The following CCDC178 variants were observed in gnomAD, a reference collection of about 807,000 sequenced individuals.
The protein encoded by CCDC178 is coiled-coil domain containing 178, also known as coiled-coil domain-containing protein 178.
In CCDC178, 126 loss-of-function variants were observed where a neutral mutation model predicts 117.4. The observed-to-expected ratio is 1.07, with a 90% CI of 0.93 to 1.24. The LOEUF is 1.24. Among genes scored for constraint, CCDC178 ranks in the 50% most tolerant of loss-of-function variants. The probability of loss-of-function intolerance (pLI) is 0.00; values close to 1 mark genes in which losing one functional copy is unlikely to be tolerated. For missense variants in CCDC178, 1,030 were observed against 986.9 expected, an observed-to-expected ratio of 1.04 and a Z score of -0.59; for synonymous variants, 283 against 313.4, an observed-to-expected ratio of 0.90 and a Z score of 1.02.
At chr18:33,023,326 C>A (rs536014335) in intron 21 of CCDC178, among the ~76,000 whole-genome samples, 1 of 152,120 alleles carries the variant, frequency 6.6e-6, no homozygotes, top group African/African-American at 2.4e-5. Flanking sequence ...CAGACCATAT[C>A]TTGGACCATA....
intron 20 of CCDC178, among the ~76,000 whole-genome samples, chr18:33,131,664 A>T (rs1031800258): frequency 6.6e-6 from 1 of 151,704 alleles, no homozygotes; most frequent in African/African-American, 2.4e-5. Context: ...GCCCTGAATG[A>T]TTGTTTCAGA....
chr18:33,161,932 C>G (rs2058470072), intron 20 of CCDC178, among the ~76,000 whole-genome samples: 1 of 151,954 alleles, frequency 6.6e-6, no homozygotes, highest in Non-Finnish European at 1.5e-5. Context: ...GGGTATATAC[C>G]CAGTAATGGG....
At chr18:33,039,137 A>C (rs1320263262) in intron 21 of CCDC178, among the ~76,000 whole-genome samples, 1 of 152,060 alleles carries the variant, frequency 6.6e-6, no homozygotes, top group African/African-American at 2.4e-5. Context: ...AAACATCTAG[A>C]AATAAACCAT....
chr18:33,414,287 G>A (rs2063901613), intron 2 of CCDC178, among the ~76,000 whole-genome samples: 1 of 152,112 alleles, frequency 6.6e-6, no homozygotes, highest in African/African-American at 2.4e-5. Flanking sequence ...TAATGTAGCT[G>A]TGACTAGGCT....
chr18:32,975,399 G>A (rs999198188), intron 21 of CCDC178, among the ~76,000 whole-genome samples: 1 of 152,140 alleles, frequency 6.6e-6, no homozygotes, highest in African/African-American at 2.4e-5. Context: ...CCTATGACAT[G>A]TGCTAGATCA....
intron 12 of CCDC178, among the ~76,000 whole-genome samples, chr18:33,269,872 T>C (rs573748951): frequency 3.3e-5 from 5 of 151,856 alleles, no homozygotes; most frequent in East Asian, 3.9e-4. Context: ...GTATAGACTA[T>C]GCAGAATAAA....
At chr18:33,157,540 G>C (rs1454936895) in intron 20 of CCDC178, among the ~76,000 whole-genome samples, 1 of 151,996 alleles carries the variant, frequency 6.6e-6, no homozygotes, top group African/African-American at 2.4e-5. Flanking sequence ...TAAAACATCA[G>C]CACAATTTTT....
At chr18:33,069,479 A>G (rs2057073369) in intron 21 of CCDC178, among the ~76,000 whole-genome samples, 1 of 152,144 alleles carries the variant, frequency 6.6e-6, no homozygotes, top group Admixed American at 6.6e-5. Context: ...CTATAGGCAG[A>G]AGAATTAAAC....
intron 9 of CCDC178, among the ~76,000 whole-genome samples, chr18:33,339,112 A>G (rs1197787893): frequency 6.6e-6 from 1 of 152,124 alleles, no homozygotes; most frequent in Non-Finnish European, 1.5e-5. Flanking sequence ...CTGAGAAGAA[A>G]ATTTACAGCT....
chr18:33,013,930 C>T (rs1204399736), intron 21 of CCDC178, among the ~76,000 whole-genome samples: 2 of 152,106 alleles, frequency 1.3e-5, no homozygotes, highest in African/African-American at 4.8e-5. Flanking sequence ...TAAGGAGCTC[C>T]GAAAATATGC....
intron 20 of CCDC178, among the ~76,000 whole-genome samples, chr18:33,166,301 T>C (rs879789512): frequency 9.2e-5 from 14 of 152,200 alleles, no homozygotes; most frequent in Admixed American, 2.6e-4. Flanking sequence ...AAAAATTCAG[T>C]ATTTTCTGAA....
intron 21 of CCDC178, among the ~76,000 whole-genome samples, chr18:33,044,065 G>A (rs1267255192): frequency 2.0e-5 from 3 of 149,432 alleles, no homozygotes; most frequent in African/African-American, 7.3e-5. Flanking sequence ...GTGTGTGTGT[G>A]TGTATGTGTG....
intron 20 of CCDC178, among the ~76,000 whole-genome samples, chr18:33,194,900 C>CAAAAAAA (rs530764182): frequency 0.025 from 1,403 of 56,070 alleles, 47 homozygotes; most frequent in African/African-American, 0.028. Flanking sequence ...TCTGTTTCTA[C>CAAAAAAA]AAAAAAAAAA....
intron 10 of CCDC178, among the ~76,000 whole-genome samples, chr18:33,327,314 C>T (rs2062597826): frequency 6.6e-6 from 1 of 152,022 alleles, no homozygotes; most frequent in Admixed American, 6.6e-5. Flanking sequence ...TATTTCATTC[C>T]ATTGATATAT....
chr18:33,207,130 C>G (rs775836157), intron 20 of CCDC178, among the ~76,000 whole-genome samples: 2 of 152,134 alleles, frequency 1.3e-5, no homozygotes, highest in Admixed American at 6.5e-5. Context: ...CTTCACATAT[C>G]TTGATAGTAT....
intron 12 of CCDC178, among the ~76,000 whole-genome samples, chr18:33,276,028 G>GTGAGTAAATAAA (rs1555675961): frequency 6.8e-6 from 1 of 146,754 alleles, no homozygotes; most frequent in Non-Finnish European, 1.5e-5. Flanking sequence ...AAGTAAGTGA[G>GTGAGTAAATAAA]TAAATAAATA....
intron 16 of CCDC178, among the ~76,000 whole-genome samples, chr18:33,225,774 C>A (rs957008732): frequency 6.6e-6 from 1 of 152,162 alleles, no homozygotes; most frequent in Non-Finnish European, 1.5e-5. Context: ...GCAAACACTG[C>A]TTCTATGTTT....
At chr18:33,147,356 A>ATTTTTTTTTTTTTTTTTTTTTTTTTTT (rs575608507) in intron 20 of CCDC178, among the ~76,000 whole-genome samples, 1 of 94,618 alleles carries the variant, frequency 1.1e-5, no homozygotes, top group Non-Finnish European at 2.1e-5. Flanking sequence ...TGCCTTTTTA[A>ATTTTTTTTTTTTTTTTTTTTTTTTTTT]TTTTTTTTTT....
chr18:33,262,397 C>A (rs1599070374), intron 14 of CCDC178, among the ~76,000 whole-genome samples: 1 of 152,086 alleles, frequency 6.6e-6, no homozygotes, highest in East Asian at 1.9e-4. Context: ...TTCATCTACA[C>A]ATTTTTCACT....
Sources: allele counts gnomAD v4.1 joint callset (sites outside exome capture counted in the v4.1 genomes callset), GRCh38; gene constraint gnomAD v4.1.1; transcripts MANE v1.5; gene names NCBI Gene and HGNC (gene_info 2026-07-23, HGNC 2026-07-21).